The following RNF135 variants were observed in gnomAD, a reference collection of about 807,000 sequenced individuals.
The protein encoded by RNF135 is ring finger protein 135.
RNF135 carries 46 observed loss-of-function variants against 41.9 expected under a neutral mutation model. That is an observed-to-expected ratio of 1.10 (90% CI 0.87 to 1.40). The LOEUF (loss-of-function observed/expected upper bound fraction) is 1.40. RNF135 is among the 40% of genes most tolerant of loss of function. RNF135 has a pLI of 0.00. For synonymous variants in RNF135, 238 were observed against 223.8 expected, an observed-to-expected ratio of 1.06 and a Z score of -0.57; for missense variants, 539 against 549.8, an observed-to-expected ratio of 0.98 and a Z score of 0.20.
chr17:30,974,993 T>C (rs566354138), intron 1 of RNF135, among the ~76,000 whole-genome samples: 3 of 152,104 alleles, frequency 2.0e-5, no homozygotes, highest in African/African-American at 7.2e-5. Flanking sequence ...TAATTTATTT[T>C]AAGAAATTTT....
At chr17:30,991,578 C>T (rs574494070) in intron 3 of RNF135, among the ~76,000 whole-genome samples, 2 of 151,784 alleles carry the variant, frequency 1.3e-5, no homozygotes, top group South Asian at 4.2e-4. Flanking sequence ...CACCAGGCCT[C>T]ACTAATTTTT....
intron 1 of RNF135, among the ~76,000 whole-genome samples, chr17:30,979,637 C>T (rs1433871964): frequency 3.6e-4 from 43 of 119,828 alleles, no homozygotes; most frequent in African/African-American, 1.2e-3. Context: ...ACCTCCCGGA[C>T]GGGGCGGCTG....
intron 4 of RNF135, chr17:30,997,635 C>T (rs1302565109): frequency 8.6e-6 from 4 of 464,782 alleles, no homozygotes; most frequent in Non-Finnish European, 1.3e-5. Flanking sequence ...CCAACTATAG[C>T]CAACTGCCTC....
chr17:30,986,738 T>C (rs575037314), intron 2 of RNF135, among the ~76,000 whole-genome samples: 3 of 152,356 alleles, frequency 2.0e-5, no homozygotes, highest in African/African-American at 7.2e-5. Flanking sequence ...CTATCTGTAA[T>C]ATAGAAATAA....
chr17:30,961,601 C>A, the RNF135 span, among the ~76,000 whole-genome samples: 1 of 151,892 alleles, frequency 6.6e-6, no homozygotes, highest in Non-Finnish European at 1.5e-5. Flanking sequence ...TAGCTGGGAC[C>A]ACAGGCACAT....
intron 1 of RNF135, chr17:30,975,468 T>C (rs1906362237): frequency 3.9e-6 from 3 of 776,778 alleles, no homozygotes; most frequent in Non-Finnish European, 7.2e-6. Flanking sequence ...GAGAAGCAAC[T>C]GGAAGATCTG....
upstream of RNF135, among the ~76,000 whole-genome samples, chr17:30,967,232 G>T (rs918650560): frequency 9.9e-5 from 15 of 151,956 alleles, no homozygotes; most frequent in Admixed American, 2.0e-4. Context: ...GTTTCACCAG[G>T]TTGGCCAGGC....
chr17:30,977,416 C>G (rs923848526), intron 1 of RNF135, among the ~76,000 whole-genome samples: 2 of 152,092 alleles, frequency 1.3e-5, no homozygotes, highest in Non-Finnish European at 2.9e-5. Context: ...CTCTGTTGCC[C>G]AGGTTGGAGT....
At chr17:30,997,529 C>A (rs200805979) in intron 4 of RNF135, 198 bp downstream of exon 4, 27 of 650,082 alleles carry the variant, frequency 4.2e-5, no homozygotes, top group Middle Eastern at 5.1e-4. Flanking sequence ...ACTCAGAGTC[C>A]CGCCAACCTT....
At chr17:30,993,245 G>C (rs1908113541) in intron 3 of RNF135, among the ~76,000 whole-genome samples, 1 of 152,106 alleles carries the variant, frequency 6.6e-6, no homozygotes, top group Non-Finnish European at 1.5e-5. Flanking sequence ...ATTTTTAGTA[G>C]AGATGGGGTT....
intron 1 of RNF135, 66 bp from the exon 2 acceptor site, chr17:30,984,551 C>T (rs1332976920): frequency 1.9e-6 from 3 of 1,542,352 alleles, no homozygotes; most frequent in Non-Finnish European, 2.7e-6. Flanking sequence ...ATGATTCCCT[C>T]TGTCTAGTGG....
intron 3 of RNF135, among the ~76,000 whole-genome samples, chr17:30,995,109 C>G (rs144596288): frequency 3.2e-4 from 49 of 151,960 alleles, no homozygotes; most frequent in Non-Finnish European, 5.9e-4. Context: ...ATTGTTTTGG[C>G]CGGGACAGTG....
rs761541358 is a variant in RNF135 at position 30,998,928 on chromosome 17, T to C, written c.1036T>C (p.Ser346Pro). 5 of 1,613,866 alleles carry C rather than the reference T, an allele frequency of 3.1e-6. No homozygotes were observed. The Admixed American group carries it at 8.3e-5, about 27-fold the overall frequency. The change falls in exon 5 of 5, where the codon TCT becomes CCT. Residue 346 changes from serine to proline, a missense_variant. Ser to Pro is a moderately conservative substitution (Grantham distance 74). This residue lies in a region of RNF135 where 262 missense variants were observed against 336.9 expected (regional missense o/e 0.78). Coordinates refer to ENST00000328381, the MANE Select transcript of RNF135 (RefSeq NM_032322.4). Reference protein sequence around the residue: ...RDQVLGRTMDSCCVEWKGTSQ... With the variant: ...RDQVLGRTMDPCCVEWKGTSQ... ...CCAGGTCCTGGGAAGGACTATGGAC[T>C]CTTGTTGTGTGGAATGGAAGGGGAC...
At chr17:30,997,621 G>A in intron 4 of RNF135, 1 of 493,092 alleles carries the variant, frequency 2.0e-6, no homozygotes, top group South Asian at 1.6e-5. Context: ...CTGTGCTGTG[G>A]CCACCAACTA....
At chr17:30,968,537 C>T (rs2142640354), upstream of RNF135, among the ~76,000 whole-genome samples, 1 of 151,824 alleles carries the variant, frequency 6.6e-6, no homozygotes, top group Non-Finnish European at 1.5e-5. Context: ...AGGCTCCCGC[C>T]GTCACGCCCG....
chr17:30,983,353 A>ATATATATATATATATATTTT (rs1420453160), intron 1 of RNF135, among the ~76,000 whole-genome samples: 4 of 35,730 alleles, frequency 1.1e-4, no homozygotes, highest in Non-Finnish European at 1.6e-4. Context: ...ATATATATAT[A>ATATATATATATATATATTTT]TTTTTTTTTT....
chr17:30,978,444 T>G (rs908257634), intron 1 of RNF135, among the ~76,000 whole-genome samples: 1 of 152,014 alleles, frequency 6.6e-6, no homozygotes, highest in Non-Finnish European at 1.5e-5. Flanking sequence ...CTCTTCTTAC[T>G]GTGTATTTTC....
In RNF135 at chr17:30,971,368, G is replaced by A. The variant is rs1040589020; in HGVS notation, c.295G>A (p.Ala99Thr). The A allele has an allele frequency of 2.0e-6, 3 of 1,528,450 alleles. No homozygotes were observed. The African/African-American group carries it at 4.3e-5, about 22-fold the overall frequency. 94.7% of individuals were successfully genotyped at this position (1,528,450 alleles called of 1,614,324 possible). ...CGAGATACAGGCGGGCTCCGACCCT[G>A]CCCACTGCCCCTGCCCGGGCTCCAG... The part of the protein sequence containing the change: ...AREIQAGSDP[A>T]HCPCPGSSSL... Residue 99 changes from alanine (A) to threonine (T), a missense_variant, in exon 1 of 5, where the codon GCC becomes ACC. Physicochemically the swap from Ala to Thr is moderately conservative, Grantham distance 58 (BLOSUM62 0). Around this residue, in one of 2 missense-constraint regions of RNF135, gnomAD observed 277 missense variants for 212.8 expected, o/e 1.30. Coordinates refer to ENST00000328381, the MANE Select transcript of RNF135 (RefSeq NM_032322.4).
chr17:30,974,391 C>A (rs551251309), intron 1 of RNF135, among the ~76,000 whole-genome samples: 23 of 152,096 alleles, frequency 1.5e-4, no homozygotes, highest in Admixed American at 4.6e-4. Context: ...TTATTCAGAA[C>A]CCCTCGCAAT....
Sources: gnomAD v4.1 joint callset for allele counts (sites outside exome capture counted in the v4.1 genomes callset) on GRCh38, gnomAD v4.1.1 for gene constraint, gnomAD v4.1.1 regional missense constraint, MANE v1.5 for transcripts, NCBI Gene and HGNC (gene_info 2026-07-23, HGNC 2026-07-21) for gene names.